The following ANKS1B variants were observed in gnomAD, a reference collection of about 807,000 sequenced individuals.
ANKS1B encodes ankyrin repeat and sterile alpha motif domain containing 1B, also known as ankyrin repeat and sterile alpha motif domain-containing protein 1B.
In ANKS1B, 36 loss-of-function variants were observed where a neutral mutation model predicts 148.3. The observed-to-expected ratio is 0.24, with a 90% CI of 0.19 to 0.32. ANKS1B has a LOEUF of 0.32. Ranked by LOEUF, ANKS1B falls within the 10% of genes least tolerant of loss-of-function variation. The pLI, the probability that ANKS1B is intolerant of heterozygous loss-of-function variation, is 1.00. For missense variants in ANKS1B, 1,157 were observed against 1,542.6 expected, an observed-to-expected ratio of 0.75 and a Z score of 4.19; for synonymous variants, 542 against 560.8, an observed-to-expected ratio of 0.97 and a Z score of 0.47.
At chr12:99,365,622 A>C (rs2152446055) in intron 12 of ANKS1B, among the ~76,000 whole-genome samples, 1 of 152,200 alleles carries the variant, frequency 6.6e-6, no homozygotes, top group South Asian at 2.1e-4. Context: ...TGAGGCAAAA[A>C]CTACACTTCC....
intron 8 of ANKS1B, among the ~76,000 whole-genome samples, chr12:99,770,330 T>G (rs1445764374): frequency 1.3e-5 from 2 of 152,128 alleles, no homozygotes; most frequent in African/African-American, 4.8e-5. Context: ...TTGAAACACT[T>G]GAAATCAAGA....
intron 25 of ANKS1B, among the ~76,000 whole-genome samples, chr12:98,769,079 G>T (rs1168060665): frequency 6.7e-6 from 1 of 148,186 alleles, no homozygotes; most frequent in African/African-American, 2.5e-5. Flanking sequence ...GGTCCAAAAA[G>T]CAGTAACTTC....
chr12:99,373,296 G>A (rs1204390867), intron 12 of ANKS1B, among the ~76,000 whole-genome samples: 2 of 152,168 alleles, frequency 1.3e-5, no homozygotes, highest in Admixed American at 6.5e-5. Context: ...ATGACAATTG[G>A]AAGATACAGA....
chr12:99,638,783 T>C (rs2098269664), intron 9 of ANKS1B, among the ~76,000 whole-genome samples: 1 of 152,086 alleles, frequency 6.6e-6, no homozygotes, highest in Non-Finnish European at 1.5e-5. Context: ...TCCTGAGACC[T>C]AGGAGGGAAA....
At chr12:99,400,908 TATCA>T (rs1333742873) in intron 11 of ANKS1B, among the ~76,000 whole-genome samples, 1 of 145,622 alleles carries the variant, frequency 6.9e-6, no homozygotes, top group East Asian at 1.9e-4. Context: ...TCTTCCAGCT[TATCA>T]TTTTCTTCCA....
At chr12:99,288,895 A>G (rs916603900) in intron 12 of ANKS1B, among the ~76,000 whole-genome samples, 2 of 152,078 alleles carry the variant, frequency 1.3e-5, no homozygotes, top group African/African-American at 4.8e-5. Flanking sequence ...TGGTGGTAGT[A>G]AGTCCTTACT....
At chr12:99,237,416 C>T (rs1478618233) in intron 14 of ANKS1B, among the ~76,000 whole-genome samples, 1 of 152,018 alleles carries the variant, frequency 6.6e-6, no homozygotes. Context: ...TCTGTATTGG[C>T]TACAAAACTC....
intron 17 of ANKS1B, among the ~76,000 whole-genome samples, chr12:98,977,920 T>C (rs2099900143): frequency 6.6e-6 from 1 of 152,170 alleles, no homozygotes; most frequent in Non-Finnish European, 1.5e-5. Flanking sequence ...TATACAGTTG[T>C]AATTGATGAG....
Position 99,984,326 on chromosome 12 carries a change from T to G in ANKS1B, c.-89A>C. The G allele has an allele frequency of 8.3e-5, 79 of 955,196 alleles. No individual in the cohort carries two copies. Among genetic ancestry groups the G allele is most frequent in the Middle Eastern group, 4.4e-4 (1 of 2,268 alleles). 59.2% of individuals were successfully genotyped at this position (955,196 alleles called of 1,614,324 possible). On this transcript the variant is annotated 5_prime_UTR_variant, in exon 1 of 27. Coordinates refer to ENST00000683438, the MANE Select transcript of ANKS1B (RefSeq NM_001352186.2). ...CACTCCCCAAAATCCAGGGCCCTCT[T>G]CGCCCCACCCTAAAATAATGCAAGA...
intron 8 of ANKS1B, among the ~76,000 whole-genome samples, chr12:99,724,875 T>G (rs1451239653): frequency 6.6e-6 from 1 of 152,146 alleles, no homozygotes; most frequent in Non-Finnish European, 1.5e-5. Flanking sequence ...AAAAATTATT[T>G]TCAACTCAGA....
intron 9 of ANKS1B, among the ~76,000 whole-genome samples, chr12:99,563,478 G>A (rs905064982): frequency 3.3e-5 from 5 of 152,092 alleles, no homozygotes; most frequent in African/African-American, 1.2e-4. Context: ...AGAGAAATAG[G>A]GGAATAGCTA....
At chr12:98,822,497 C>T (rs1426497401) in intron 19 of ANKS1B, among the ~76,000 whole-genome samples, 1 of 152,204 alleles carries the variant, frequency 6.6e-6, no homozygotes, top group Non-Finnish European at 1.5e-5. Context: ...TCAATGTCAA[C>T]AAGCCCAAGG....
At chr12:99,590,762 T>A (rs1271033491) in intron 9 of ANKS1B, among the ~76,000 whole-genome samples, 1 of 152,186 alleles carries the variant, frequency 6.6e-6, no homozygotes, top group Non-Finnish European at 1.5e-5. Flanking sequence ...CAAACAGTGG[T>A]TATTTCCGAA....
At chr12:99,299,662 C>G (rs1187036062) in intron 12 of ANKS1B, among the ~76,000 whole-genome samples, 1 of 152,176 alleles carries the variant, frequency 6.6e-6, no homozygotes. Context: ...TAAACAGTTA[C>G]CCTATTTTCC....
At chr12:99,281,900 A>G (rs2078510743) in intron 12 of ANKS1B, among the ~76,000 whole-genome samples, 1 of 152,196 alleles carries the variant, frequency 6.6e-6, no homozygotes, top group Admixed American at 6.5e-5. Flanking sequence ...TACAAAAATA[A>G]TGGTTTTGTA....
At chr12:98,818,692 A>C (rs566256202) in intron 19 of ANKS1B, among the ~76,000 whole-genome samples, 1 of 152,360 alleles carries the variant, frequency 6.6e-6, no homozygotes, top group East Asian at 1.9e-4. Context: ...AAAAAAACCT[A>C]GATTTTGCAA....
At chr12:99,663,336 G>T (rs1215504033) in intron 8 of ANKS1B, among the ~76,000 whole-genome samples, 1 of 152,066 alleles carries the variant, frequency 6.6e-6, no homozygotes, top group African/African-American at 2.4e-5. Flanking sequence ...TAAAGCCACA[G>T]TTGAACATAT....
intron 9 of ANKS1B, among the ~76,000 whole-genome samples, chr12:99,593,584 CATTG>C (rs953253024): frequency 9.9e-5 from 15 of 152,006 alleles, no homozygotes; most frequent in East Asian, 9.7e-4. Context: ...TAAAAGAAAA[CATTG>C]ATTGATTTCA....
chr12:99,364,651 G>A (rs747803581), intron 12 of ANKS1B, among the ~76,000 whole-genome samples: 13 of 152,176 alleles, frequency 8.5e-5, no homozygotes, highest in South Asian at 2.1e-4. Context: ...GGTCATGAAC[G>A]CAAGTCATTC....
Sources: allele counts gnomAD v4.1 joint callset (sites outside exome capture counted in the v4.1 genomes callset), GRCh38; gene constraint gnomAD v4.1.1; transcripts MANE v1.5; gene names NCBI Gene and HGNC (gene_info 2026-07-23, HGNC 2026-07-21).